PRKN: variants seen among roughly 807,000 people sequenced by gnomAD.
The protein encoded by PRKN is parkin RBR E3 ubiquitin protein ligase, also known as E3 ubiquitin-protein ligase parkin.
PRKN carries 56 observed loss-of-function variants against 59.5 expected under a neutral mutation model. That is an observed-to-expected ratio of 0.94 (90% CI 0.76 to 1.18). The LOEUF (loss-of-function observed/expected upper bound fraction) is 1.18, where lower values mean the gene tolerates loss of function less well. PRKN is among the 50% of genes most tolerant of loss of function. The pLI, the probability that PRKN is intolerant of heterozygous loss-of-function variation, is 0.00. For missense variants in PRKN, 657 were observed against 596.4 expected, an observed-to-expected ratio of 1.10 and a Z score of -1.06; for synonymous variants, 250 against 222.1, an observed-to-expected ratio of 1.13 and a Z score of -1.12.
intron 2 of PRKN, among the ~76,000 whole-genome samples, chr6:162,338,259 CTCTCCCTCTCCCTACGG>C (rs1020539321): frequency 1.3e-5 from 2 of 151,522 alleles, no homozygotes; most frequent in African/African-American, 4.9e-5. Context: ...CTCCCTCTCC[CTCTCCCTCTCCCTACGG>C]TCTCCCTCTC....
chr6:161,771,132 G>A lies in PRKN; in HGVS notation c.871+14640C>T, dbSNP rs576719499. On this transcript the variant is annotated intron_variant, in intron 7 of 11. Transcript: ENST00000366898. ...AGCACTTTGGGAGGCCGAGGTGGGC[G>A]GATTACGAGGTCAGGAGATCGAGAC... Among the ~76,000 whole-genome samples the A allele has an allele frequency of 6.0e-3, 919 of 151,982 alleles. 11 individuals are homozygous for A. The highest frequency in any genetic ancestry group is 0.02 in the African/African-American group (847 of 41,470).
At chr6:161,517,183 A>G (rs1025231614) in intron 9 of PRKN, among the ~76,000 whole-genome samples, 27 of 152,178 alleles carry the variant, frequency 1.8e-4, no homozygotes, top group Admixed American at 7.9e-4. Context: ...CACATTTTCA[A>G]TCACGAGTTC....
At chr6:162,723,833 C>A (rs1041697975) in intron 1 of PRKN, among the ~76,000 whole-genome samples, 31 of 152,226 alleles carry the variant, frequency 2.0e-4, no homozygotes, top group African/African-American at 6.5e-4. Flanking sequence ...ATTAGTGTAT[C>A]CTATAAAAGA....
At chr6:162,674,049 G>T (rs1779443133) in intron 1 of PRKN, among the ~76,000 whole-genome samples, 1 of 152,158 alleles carries the variant, frequency 6.6e-6, no homozygotes, top group Admixed American at 6.5e-5. Flanking sequence ...GCCAATCCGT[G>T]CACAGTGCTA....
chr6:161,697,860 T>G (rs769845278), intron 7 of PRKN, among the ~76,000 whole-genome samples: 2 of 152,208 alleles, frequency 1.3e-5, no homozygotes, highest in African/African-American at 4.8e-5. Flanking sequence ...TCCATGTTCA[T>G]GTAGGCCATT....
chr6:162,648,408 G>T, intron 1 of PRKN, among the ~76,000 whole-genome samples: 1 of 149,130 alleles, frequency 6.7e-6, no homozygotes, highest in African/African-American at 2.5e-5. Flanking sequence ...TTAAGATGGA[G>T]TCTTGCTCTG....
At chr6:162,046,211 T>C (rs1043360457) in intron 5 of PRKN, among the ~76,000 whole-genome samples, 3 of 152,192 alleles carry the variant, frequency 2.0e-5, no homozygotes, top group Admixed American at 6.5e-5. Flanking sequence ...ACTGACACGT[T>C]TGGCTTTTGA....
intron 1 of PRKN, among the ~76,000 whole-genome samples, chr6:162,664,456 G>A (rs1467156362): frequency 6.6e-6 from 1 of 152,166 alleles, no homozygotes; most frequent in Non-Finnish European, 1.5e-5. Context: ...CTAGGTCCTT[G>A]AGGAATCACC....
intron 1 of PRKN, among the ~76,000 whole-genome samples, chr6:162,655,920 C>T (rs894961761): frequency 6.6e-6 from 1 of 152,090 alleles, no homozygotes; most frequent in African/African-American, 2.4e-5. Flanking sequence ...TATTAAGGGG[C>T]ATGACACAAT....
chr6:161,983,670 A>C (rs1781327063), intron 5 of PRKN, among the ~76,000 whole-genome samples: 1 of 62,040 alleles, frequency 1.6e-5, no homozygotes, highest in African/African-American at 7.0e-5. Context: ...AAAACCAAAC[A>C]CCGCATATTC....
intron 2 of PRKN, chr6:162,270,343 A>G (rs527736570): frequency 7.2e-5 from 11 of 151,926 alleles, no homozygotes; most frequent in Non-Finnish European, 1.5e-4. Flanking sequence ...GCATGATACA[A>G]TGGACTTCAG....
At position 161,793,446 on chromosome 6, in the gene PRKN, A is replaced by T. The variant is rs542505942; in HGVS notation, c.735-7538T>A. ...AAGTCCCAATATTTCAGCATATACA[A>T]CGTAGCCAAGGTAAAATTCATTTAT... On this transcript the variant is annotated intron_variant, in intron 6 of 11. Transcript: ENST00000366898. Among the ~76,000 whole-genome samples, 11 of 152,094 alleles carry T rather than the reference A, an allele frequency of 7.2e-5. No homozygotes were observed. The South Asian group carries it at 2.1e-3, about 29-fold the overall frequency.
intron 1 of PRKN, chr6:162,624,400 C>T (rs1166059011): frequency 6.6e-6 from 1 of 152,136 alleles, no homozygotes; most frequent in Non-Finnish European, 1.5e-5. Flanking sequence ...ATTCCATTAA[C>T]TCATTTGTTT....
chr6:162,050,891 G>A (rs1300144255), intron 5 of PRKN, among the ~76,000 whole-genome samples: 1 of 152,094 alleles, frequency 6.6e-6, no homozygotes, highest in African/African-American at 2.4e-5. Context: ...GCAAGGACTC[G>A]AATCCAGCCA....
At chr6:162,511,282 C>T (rs1583697364) in intron 1 of PRKN, among the ~76,000 whole-genome samples, 1 of 151,788 alleles carries the variant, frequency 6.6e-6, no homozygotes, top group Non-Finnish European at 1.5e-5. Context: ...TACTGAGATA[C>T]ATTAGCTCAA....
At chr6:162,387,509 T>C (rs867731486) in intron 2 of PRKN, among the ~76,000 whole-genome samples, 2 of 151,434 alleles carry the variant, frequency 1.3e-5, no homozygotes, top group South Asian at 4.2e-4. Flanking sequence ...GTCTAGTGTT[T>C]ATTCTTATAA....
chr6:162,475,227 G>T (rs1791944826), intron 1 of PRKN, among the ~76,000 whole-genome samples: 3 of 152,194 alleles, frequency 2.0e-5, no homozygotes, highest in Admixed American at 2.0e-4. Context: ...AAAAGGCACA[G>T]TCAAATGATC....
At chr6:162,183,730 T>C (rs1282731406) in intron 4 of PRKN, among the ~76,000 whole-genome samples, 3 of 152,178 alleles carry the variant, frequency 2.0e-5, no homozygotes, top group Non-Finnish European at 2.9e-5. Context: ...TTTCTAAGCT[T>C]TGGGCTCAAT....
At chr6:162,359,074 A>T (rs1462925029) in intron 2 of PRKN, among the ~76,000 whole-genome samples, 1 of 104,624 alleles carries the variant, frequency 9.6e-6, no homozygotes, top group East Asian at 2.3e-4. Flanking sequence ...AAAAAAAAAA[A>T]AAAAAATATA....
Sources: gnomAD v4.1 joint callset for allele counts (sites outside exome capture counted in the v4.1 genomes callset) on GRCh38, gnomAD v4.1.1 for gene constraint, MANE v1.5 for transcripts, NCBI Gene and HGNC (gene_info 2026-07-23, HGNC 2026-07-21) for gene names.